UCKL1: variants seen among roughly 807,000 people sequenced by gnomAD.
UCKL1 encodes uridine-cytidine kinase 1 like 1, also known as uridine-cytidine kinase-like 1.
UCKL1 carries 65 observed loss-of-function variants against 59.2 expected under a neutral mutation model. The ratio of observed to expected loss-of-function variants is 1.10; its 90% CI spans 0.90 to 1.35. The LOEUF (loss-of-function observed/expected upper bound fraction) is 1.35, where lower values mean the gene tolerates loss of function less well. Among genes scored for constraint, UCKL1 ranks in the 40% most tolerant of loss-of-function variants. The pLI is 0.00. For synonymous variants in UCKL1, 410 were observed against 323.1 expected, an observed-to-expected ratio of 1.27 and a Z score of -2.88; for missense variants, 703 against 784.3, an observed-to-expected ratio of 0.90 and a Z score of 1.24.
chr20:63,940,615 G>A lies in UCKL1; in HGVS notation c.1281C>T (p.Asn427=), dbSNP rs2054118175. ...VRIGTILIQT[N]QLTGEPELHY... The stretch of plus-strand genomic sequence containing the variant: ...GCACCTCGGGCTCCCCGGTAAGCTG[G>A]TTGGTCTGGATGAGGATGGTGCCGA... Residue 427 remains asparagine (N), a synonymous_variant, in exon 12 of 15, where the codon AAC becomes AAT. Transcript: ENST00000354216. The A allele has an allele frequency of 2.5e-6, 4 of 1,609,612 alleles. No homozygotes were observed. Among genetic ancestry groups the A allele is most frequent in the Middle Eastern group, 1.7e-4 (1 of 6,052 alleles).
At chr20:63,945,602 G>A (rs780271625) in intron 5 of UCKL1, 49 bp downstream of exon 5, 95 of 1,595,380 alleles carry the variant, frequency 6.0e-5, no homozygotes, top group Middle Eastern at 1.7e-4. Flanking sequence ...TGGACAGGGC[G>A]GCCAGGGCTG....
rs757973462 is a variant in UCKL1 at position 63,940,456 on chromosome 20, G to T, written c.1332C>A (p.Ile444=). ...CCATGAGGATCACGTGGTCATCGCT[G>T]ATGTCCTTGGGCAGCCTCAGGTAGT... The part of the protein sequence containing the change: ...ELHYLRLPKD[I]SDDHVILMDC... The change falls in exon 13 of 15, where the codon ATC becomes ATA. Residue 444 remains isoleucine (I), a synonymous_variant. Coordinates refer to ENST00000354216, the MANE Select transcript of UCKL1 (RefSeq NM_017859.4). 14 of 1,612,042 alleles carry T rather than the reference G, an allele frequency of 8.7e-6. No homozygotes were observed. The African/African-American group carries it at 1.9e-4, about 22-fold the overall frequency.
At chr20:63,941,351 TG>T in intron 8 of UCKL1, 143 bp from the exon 9 acceptor site, 1 of 1,300,732 alleles carries the variant, frequency 7.7e-7, no homozygotes, top group Non-Finnish European at 1.0e-6. Flanking sequence ...GACTTCTGCC[TG>T]GGGCTGAGCT....
intron 1 of UCKL1, chr20:63,948,568 A>AGG (rs2056889555): frequency 2.0e-5 from 1 of 49,474 alleles, no homozygotes; most frequent in Non-Finnish European, 3.9e-5. Context: ...GGCGTGTGTG[A>AGG]GAGGGAGGGG....
chr20:63,956,060 C>T (rs2058605118), intron 1 of UCKL1, 200 bp downstream of exon 1: 2 of 462,678 alleles, frequency 4.3e-6, no homozygotes, highest in African/African-American at 2.1e-5. Context: ...AGGAGCCTGC[C>T]GGCTTGGGCC....
chr20:63,943,608 T>C, intron 8 of UCKL1, 45 bp downstream of exon 8: 2 of 1,611,942 alleles, frequency 1.2e-6, no homozygotes, highest in Non-Finnish European at 1.7e-6. Flanking sequence ...TCCTTGGAGG[T>C]GTTGGAAGTG....
In UCKL1 at chr20:63,941,070, C is replaced by T. The variant is rs201828595; in HGVS notation, c.1023-27G>A. 1.4e-5 allele frequency: 22 copies of T among 1,599,730 alleles called. No individual in the cohort carries two copies. In the East Asian group the frequency reaches 4.5e-4, roughly 33 times the overall value. Reference sequence around the variant, plus strand: ...TGTGGGGCCAACAGTTGAGCGGGAGCACGCGCCCGGGGCCGCCCCGTCCCC... The same window carrying T: ...TGTGGGGCCAACAGTTGAGCGGGAGTACGCGCCCGGGGCCGCCCCGTCCCC... On this transcript the variant is annotated intron_variant, in intron 9 of 14. Coordinates refer to ENST00000354216, the MANE Select transcript of UCKL1 (RefSeq NM_017859.4).
At chr20:63,952,388 G>A (rs944015680) in intron 1 of UCKL1, among the ~76,000 whole-genome samples, 4 of 152,164 alleles carry the variant, frequency 2.6e-5, no homozygotes, top group African/African-American at 7.2e-5. Context: ...GCCCAGGCAC[G>A]CAGCTGTGAA....
Position 63,940,492 on chromosome 20 carries a change from G to A in UCKL1, c.1303-7C>T, listed in dbSNP as rs373281374. 5.6e-6 allele frequency: 9 copies of A among 1,609,660 alleles called. No homozygotes were observed. Among genetic ancestry groups the A allele is most frequent in the South Asian group, 1.1e-5 (1 of 90,850 alleles). ...GCAGCCTCAGGTAGTGGAGCTGCGG[G>A]CAGCAGGGGTCAGGCTGCAGGTGGG... On this transcript the variant is annotated splice_region_variant and splice_polypyrimidine_tract_variant and intron_variant, in intron 12 of 14. Coordinates refer to ENST00000354216, the MANE Select transcript of UCKL1 (RefSeq NM_017859.4).
chr20:63,952,972 G>A (rs79001436), intron 1 of UCKL1, among the ~76,000 whole-genome samples: 2,509 of 152,376 alleles, frequency 0.016, 73 homozygotes, highest in African/African-American at 0.057. Flanking sequence ...ACAGGTGGCC[G>A]GGCGCGGTGG....
intron 8 of UCKL1, among the ~76,000 whole-genome samples, chr20:63,943,265 G>T (rs2055157001): frequency 6.6e-6 from 1 of 152,230 alleles, no homozygotes; most frequent in Non-Finnish European, 1.5e-5. Context: ...GTGAGGCTGG[G>T]CACAGGAGGT....
rs748202648 is a variant in UCKL1, at chr20:63,940,750, GC to G, written c.1180-35del. The G allele has an allele frequency of 2.3e-5, 37 of 1,605,114 alleles. No individual in the cohort carries two copies. The South Asian group carries it at 4.0e-4, about 17-fold the overall frequency. Reference sequence around the variant, plus strand: ...AGGGGAGGCTAAGCGCCCACATCCCGCCCCAGCAGCCTGTCCCGCGCCCAGG... The same window carrying G: ...AGGGGAGGCTAAGCGCCCACATCCCGCCCAGCAGCCTGTCCCGCGCCCAGG... On this transcript the variant is annotated intron_variant, in intron 11 of 14. Transcript: ENST00000354216.
chr20:63,940,613 T>C lies in UCKL1; in HGVS notation c.1283A>G (p.Gln428Arg). Residue 428 changes from glutamine (Q) to arginine (R), a missense_variant, in exon 12 of 15, where the codon CAG (glutamine) becomes CGG (arginine). Coordinates refer to ENST00000354216, the MANE Select transcript of UCKL1 (RefSeq NM_017859.4). The part of the protein sequence containing the change: ...RIGTILIQTN[Q>R]LTGEPELHYL... ...AGGCACCTCGGGCTCCCCGGTAAGC[T>C]GGTTGGTCTGGATGAGGATGGTGCC... The C allele has an allele frequency of 1.9e-6, 3 of 1,609,470 alleles. No individual in the cohort carries two copies. Among genetic ancestry groups the C allele is most frequent in the East Asian group, 2.2e-5 (1 of 44,862 alleles).
intron 1 of UCKL1, chr20:63,954,021 T>A (rs2058134782): frequency 6.5e-6 from 1 of 152,852 alleles, no homozygotes; most frequent in African/African-American, 2.4e-5. Flanking sequence ...ATAACTAAAA[T>A]GAGGCTGGGG....
Position 63,945,667 on chromosome 20 carries a change from T to G in UCKL1, c.638A>C (p.Asp213Ala). The G allele has an allele frequency of 6.2e-7, 1 of 1,613,028 alleles. No homozygotes were observed. The highest frequency in any genetic ancestry group is 8.5e-7 in the Non-Finnish European group (1 of 1,179,880). ...IIFEGIMAFA[D>A]KTLLELLDMK... ...GGTGCTTACCTCCAACAGTGTCTTG[T>G]CAGCAAAGGCCATGATGCCCTCAAA... Residue 213 changes from aspartate to alanine, a missense_variant, in exon 5 of 15, where the codon GAC becomes GCC. Asp to Ala is a moderately radical substitution (Grantham distance 126, BLOSUM62 -2). This residue lies in a region of UCKL1 where 398 missense variants were observed against 373.0 expected (regional missense o/e 1.07). Coordinates refer to ENST00000354216, the MANE Select transcript of UCKL1 (RefSeq NM_017859.4).
intron 8 of UCKL1, chr20:63,942,475 C>T (rs1235282881): frequency 8.5e-7 from 1 of 1,176,128 alleles, no homozygotes; most frequent in African/African-American, 1.6e-5. Flanking sequence ...CTCACATATC[C>T]CAACGTAGCT....
chr20:63,940,906 G>A (rs760349442), intron 10 of UCKL1, 44 bp downstream of exon 10: 4 of 1,521,046 alleles, frequency 2.6e-6, no homozygotes, highest in Non-Finnish European at 3.5e-6. Flanking sequence ...GCTCGCACCG[G>A]CTCCAAGACC....
chr20:63,941,305 A>G, intron 8 of UCKL1, 97 bp from the exon 9 acceptor site: 1 of 1,444,266 alleles, frequency 6.9e-7, no homozygotes, highest in Non-Finnish European at 9.2e-7. Flanking sequence ...AGGGGAACAC[A>G]CGGGCCAGGC....
chr20:63,943,939 C>T (rs1476864745), intron 7 of UCKL1, among the ~76,000 whole-genome samples: 3 of 152,200 alleles, frequency 2.0e-5, no homozygotes, highest in East Asian at 1.9e-4. Context: ...GTGTTCAGAG[C>T]CACTCAGGCT....
Sources: gnomAD v4.1 joint callset for allele counts (sites outside exome capture counted in the v4.1 genomes callset) on GRCh38, gnomAD v4.1.1 for gene constraint, gnomAD v4.1.1 regional missense constraint, MANE v1.5 for transcripts, NCBI Gene and HGNC (gene_info 2026-07-23, HGNC 2026-07-21) for gene names.